The following SLIT2 variants were observed in gnomAD, a reference collection of about 807,000 sequenced individuals.
SLIT2 encodes the protein slit guidance ligand 2, also known as slit homolog 2 protein.
SLIT2 carries 41 observed loss-of-function variants against 185.7 expected under a neutral mutation model. The observed-to-expected ratio is 0.22, with a 90% CI of 0.17 to 0.29. The LOEUF (loss-of-function observed/expected upper bound fraction) is 0.29. Among genes scored for constraint, SLIT2 ranks in the 10% least tolerant of loss-of-function variants. The probability of loss-of-function intolerance (pLI) is 1.00; values close to 1 mark genes in which losing one functional copy is unlikely to be tolerated. For missense variants in SLIT2, 1,571 were observed against 1,909.0 expected, an observed-to-expected ratio of 0.82 and a Z score of 3.30; for synonymous variants, 693 against 680.2, an observed-to-expected ratio of 1.02 and a Z score of -0.29.
At chr4:20,493,069 AT>A (rs1255575003) in intron 9 of SLIT2, among the ~76,000 whole-genome samples, 1 of 152,162 alleles carries the variant, frequency 6.6e-6, no homozygotes, top group South Asian at 2.1e-4. Context: ...ATCTTTTAGT[AT>A]TTTTTGGCTG....
chr4:20,347,816 G>A (rs1402174038), intron 4 of SLIT2, among the ~76,000 whole-genome samples: 5 of 152,334 alleles, frequency 3.3e-5, no homozygotes, highest in Admixed American at 2.6e-4. Context: ...GTGAAATGAA[G>A]AGAAGTAAAG....
intron 6 of SLIT2, among the ~76,000 whole-genome samples, chr4:20,483,826 C>A (rs778544136): frequency 5.9e-5 from 9 of 151,992 alleles, no homozygotes; most frequent in South Asian, 2.1e-4. Flanking sequence ...TAAATAATTA[C>A]AATATATAAA....
At chr4:20,421,120 A>G (rs1363261032) in intron 4 of SLIT2, among the ~76,000 whole-genome samples, 1 of 152,214 alleles carries the variant, frequency 6.6e-6, no homozygotes, top group African/African-American at 2.4e-5. Context: ...TAGTGTCAGC[A>G]TTTTAGCCCA....
rs1723511487 is a variant in SLIT2 at position 20,549,136 on chromosome 4, TC to T, written c.2489+9del. On this transcript the variant is annotated intron_variant, in intron 24 of 36. Coordinates refer to ENST00000504154, the MANE Select transcript of SLIT2 (RefSeq NM_004787.4). ...AAAGTCTCTTCGATTACTGTAAGCATCTTGTGTTCAACAGAATATCTCTTTT... is the reference window on the plus strand; with the variant it reads ...AAAGTCTCTTCGATTACTGTAAGCATTTGTGTTCAACAGAATATCTCTTTT... 1 of 1,534,566 alleles carries T rather than the reference TC, an allele frequency of 6.5e-7. No homozygotes were observed.
rs777329328 is a variant in SLIT2, at chr4:20,568,964, C to T, written c.3048C>T (p.Gly1016=). Residue 1016 remains glycine (G), a synonymous_variant, in exon 29 of 37, where the codon GGC becomes GGT. Coordinates refer to ENST00000504154, the MANE Select transcript of SLIT2 (RefSeq NM_004787.4). The part of the protein sequence containing the change: ...DCENNSTCVD[G]INNYTCLCPP... ...AAAATAATTCTACATGTGTCGATGG[C>T]ATTAATAACTACACATGCCTTTGCC... The T allele has an allele frequency of 1.2e-6, 2 of 1,612,250 alleles. No individual in the cohort carries two copies.
chr4:20,469,152 A>C (rs563476161), intron 5 of SLIT2, among the ~76,000 whole-genome samples: 4 of 152,286 alleles, frequency 2.6e-5, no homozygotes, highest in South Asian at 4.2e-4. Context: ...GGTAGACTCA[A>C]TGATACACAG....
chr4:20,520,028 C>T lies in SLIT2; in HGVS notation c.1130+575C>T, dbSNP rs1413192273. Among the ~76,000 whole-genome samples the T allele has an allele frequency of 8.5e-5, 9 of 105,948 alleles. No individual in the cohort carries two copies. In the South Asian group the frequency reaches 2.8e-3, roughly 34 times the overall value. 69.5% of individuals were successfully genotyped at this position (105,948 alleles called of 152,430 possible). On this transcript the variant is annotated intron_variant, in intron 12 of 36. Coordinates refer to ENST00000504154, the MANE Select transcript of SLIT2 (RefSeq NM_004787.4). Reference sequence around the variant, plus strand: ...CAGCCCGGGCGACAGAGTGAGACTCCGTCTCAAAAAAAAAAAAAAAAAAAA... The same window carrying T: ...CAGCCCGGGCGACAGAGTGAGACTCTGTCTCAAAAAAAAAAAAAAAAAAAA...
intron 29 of SLIT2, chr4:20,573,249 A>G (rs1224750216): frequency 7.1e-6 from 5 of 702,816 alleles, no homozygotes; most frequent in Non-Finnish European, 1.0e-5. Context: ...AATCTGAATG[A>G]GGTGGAAAAA....
At position 20,445,992 on chromosome 4, in the gene SLIT2, T is replaced by C. The variant is rs199676943; in HGVS notation, c.396-21760T>C. Among the ~76,000 whole-genome samples the C allele has an allele frequency of 2.0e-5, 3 of 152,196 alleles. No homozygotes were observed. The East Asian group carries it at 5.8e-4, about 29-fold the overall frequency. ...AAAGTCATCATTCCTACCAAAGCAC[T>C]GTTCATTTCCTCTTGTTCATTCTCC... On this transcript the variant is annotated intron_variant, in intron 4 of 36. Coordinates refer to ENST00000504154, the MANE Select transcript of SLIT2 (RefSeq NM_004787.4).
intron 5 of SLIT2, among the ~76,000 whole-genome samples, chr4:20,479,234 A>G (rs1716444584): frequency 6.6e-6 from 1 of 152,188 alleles, no homozygotes; most frequent in Non-Finnish European, 1.5e-5. Context: ...TTCATGAGAC[A>G]TTGTCTATAT....
rs554790968 is a variant in SLIT2 at position 20,285,128 on chromosome 4, C to T, written c.395+16247C>T. On this transcript the variant is annotated intron_variant, in intron 4 of 36. Coordinates refer to ENST00000504154, the MANE Select transcript of SLIT2 (RefSeq NM_004787.4). ...GTGTCTGCACATAAAAGGCCATTAT[C>T]TTATCTTAGCAACTCCAGCCATACA... Among the ~76,000 whole-genome samples the T allele has an allele frequency of 2.0e-5, 3 of 152,340 alleles. No homozygotes were observed. The South Asian group carries it at 6.2e-4, about 32-fold the overall frequency.
intron 8 of SLIT2, among the ~76,000 whole-genome samples, chr4:20,490,560 C>T (rs1048005922): frequency 6.6e-6 from 1 of 152,048 alleles, no homozygotes; most frequent in African/African-American, 2.4e-5. Flanking sequence ...GTAAGTAGTT[C>T]ACAGATTTTT....
chr4:20,262,866 A>G (rs1176288379), intron 3 of SLIT2, among the ~76,000 whole-genome samples: 3 of 151,888 alleles, frequency 2.0e-5, no homozygotes, highest in Non-Finnish European at 2.9e-5. Context: ...TTCTCATGCA[A>G]CAGTTTTTAT....
At chr4:20,489,206 T>C (rs973421222) in intron 8 of SLIT2, among the ~76,000 whole-genome samples, 1 of 152,226 alleles carries the variant, frequency 6.6e-6, no homozygotes, top group Admixed American at 6.5e-5. Context: ...TAAAACACTT[T>C]TCAGTTTTCA....
At chr4:20,505,852 T>C (rs1015451424) in intron 9 of SLIT2, among the ~76,000 whole-genome samples, 1 of 152,070 alleles carries the variant, frequency 6.6e-6, no homozygotes, top group Admixed American at 6.6e-5. Flanking sequence ...TTTAAGAGCT[T>C]TAAAGTCGTG....
intron 12 of SLIT2, among the ~76,000 whole-genome samples, chr4:20,521,684 G>A (rs549736699): frequency 6.6e-6 from 1 of 152,146 alleles, no homozygotes; most frequent in East Asian, 1.9e-4. Context: ...CTTTTAAGAA[G>A]GTATTACATA....
At chr4:20,610,520 C>G (rs1729130101) in intron 34 of SLIT2, among the ~76,000 whole-genome samples, 1 of 152,124 alleles carries the variant, frequency 6.6e-6, no homozygotes, top group South Asian at 2.1e-4. Flanking sequence ...TTAAATCATA[C>G]AATCAAGAAA....
chr4:20,280,935 C>G (rs568620054), intron 4 of SLIT2, among the ~76,000 whole-genome samples: 1 of 150,812 alleles, frequency 6.6e-6, no homozygotes, highest in African/African-American at 2.4e-5. Context: ...TGGGTTCAAG[C>G]GATTCTCCTA....
At chr4:20,495,240 T>C (rs2148803289) in intron 9 of SLIT2, among the ~76,000 whole-genome samples, 1 of 152,324 alleles carries the variant, frequency 6.6e-6, no homozygotes, top group Non-Finnish European at 1.5e-5. Flanking sequence ...AGACAATTGT[T>C]GCTCTGTAAT....
Sources: allele counts gnomAD v4.1 joint callset (sites outside exome capture counted in the v4.1 genomes callset), GRCh38; gene constraint gnomAD v4.1.1; transcripts MANE v1.5; gene names NCBI Gene and HGNC (gene_info 2026-07-23, HGNC 2026-07-21).